The following RAB3C variants were observed in gnomAD, a reference collection of about 807,000 sequenced individuals.
RAB3C encodes ras-related protein Rab-3C.
Under a neutral mutation model 26.4 loss-of-function variants are expected in RAB3C, and 17 were observed. The observed-to-expected ratio is 0.64, with a 90% CI of 0.44 to 0.97. The LOEUF (loss-of-function observed/expected upper bound fraction) is 0.97, where lower values mean the gene tolerates loss of function less well. RAB3C is among the 50% of genes least tolerant of loss of function. The pLI, the probability that RAB3C is intolerant of heterozygous loss-of-function variation, is 0.00. For missense variants in RAB3C, 242 were observed against 281.9 expected (o/e 0.86, Z 1.01); for synonymous variants, 91 against 95.9 (o/e 0.95, Z 0.30).
intron 1 of RAB3C, among the ~76,000 whole-genome samples, chr5:58,607,920 C>A (rs1056175650): frequency 1.3e-5 from 2 of 152,152 alleles, no homozygotes; most frequent in Non-Finnish European, 2.9e-5. Context: ...CTTACAAGAG[C>A]TCCTGAAGGA....
chr5:58,686,995 C>A (rs766950452), intron 2 of RAB3C, among the ~76,000 whole-genome samples: 1 of 152,044 alleles, frequency 6.6e-6, no homozygotes, highest in Admixed American at 6.6e-5. Context: ...CATTTTAAAA[C>A]CTCAAAGTCA....
chr5:58,666,431 T>TG (rs1323146038), intron 2 of RAB3C, among the ~76,000 whole-genome samples: 3 of 152,282 alleles, frequency 2.0e-5, no homozygotes, highest in Non-Finnish European at 4.4e-5. Context: ...TGAAAACCAC[T>TG]GCGGGGGACA....
At chr5:58,659,800 T>C (rs1201324364) in intron 2 of RAB3C, among the ~76,000 whole-genome samples, 1 of 152,216 alleles carries the variant, frequency 6.6e-6, no homozygotes, top group East Asian at 1.9e-4. Flanking sequence ...GATCCCTTTT[T>C]TTCTTAAGCT....
chr5:58,712,111 G>A (rs773286938), intron 2 of RAB3C, among the ~76,000 whole-genome samples: 4 of 152,058 alleles, frequency 2.6e-5, no homozygotes, highest in African/African-American at 7.2e-5. Context: ...AACCGTCCCC[G>A]TTCCTGGAGC....
rs754911343 is a variant in RAB3C at position 58,838,116 on chromosome 5, C to T, written c.496+12954C>T. ...ACTTTTTGGCCAGGTGCGGTGGGCT[C>T]ACGCCTGTAATCCCAGTACTTTGGG... On this transcript the variant is annotated intron_variant, in intron 4 of 4. Transcript: ENST00000282878. Among the ~76,000 whole-genome samples, 177 of 152,230 alleles carry T rather than the reference C, an allele frequency of 1.2e-3. 1 individual carries two copies. The highest frequency in any genetic ancestry group is 5.8e-4 in the East Asian group (3 of 5,176).
At chr5:58,830,663 G>A (rs1743592644) in intron 4 of RAB3C, among the ~76,000 whole-genome samples, 2 of 152,144 alleles carry the variant, frequency 1.3e-5, no homozygotes, top group African/African-American at 4.8e-5. Context: ...TGCCAACCCA[G>A]GTAAGGGAGA....
intron 2 of RAB3C, among the ~76,000 whole-genome samples, chr5:58,630,633 C>G (rs1383973950): frequency 1.3e-5 from 2 of 152,098 alleles, no homozygotes; most frequent in Non-Finnish European, 2.9e-5. Flanking sequence ...ATCATGTAAC[C>G]TCTGGAAATT....
At chr5:58,723,625 A>C (rs961493925) in intron 2 of RAB3C, among the ~76,000 whole-genome samples, 1 of 151,760 alleles carries the variant, frequency 6.6e-6, no homozygotes, top group Admixed American at 6.6e-5. Flanking sequence ...GTACACACCT[A>C]TGGGTGAAGA....
At chr5:58,688,724 T>C (rs1423196285) in intron 2 of RAB3C, among the ~76,000 whole-genome samples, 1 of 152,112 alleles carries the variant, frequency 6.6e-6, no homozygotes, top group Non-Finnish European at 1.5e-5. Flanking sequence ...TTTGAATCTG[T>C]GAATAGGAGT....
At chr5:58,764,610 A>T (rs143200751) in intron 3 of RAB3C, among the ~76,000 whole-genome samples, 289 of 152,334 alleles carry the variant, frequency 1.9e-3, no homozygotes, top group African/African-American at 6.7e-3. Flanking sequence ...ATCTTCAGTT[A>T]AAAGGCAGAA....
At chr5:58,764,128 G>A (rs982962155) in intron 3 of RAB3C, among the ~76,000 whole-genome samples, 13 of 152,138 alleles carry the variant, frequency 8.5e-5, no homozygotes, top group African/African-American at 2.7e-4. Flanking sequence ...CTCAACACAC[G>A]AATCTGTGCT....
At chr5:58,647,250 A>G (rs1276771741) in intron 2 of RAB3C, among the ~76,000 whole-genome samples, 2 of 152,212 alleles carry the variant, frequency 1.3e-5, no homozygotes, top group Non-Finnish European at 2.9e-5. Context: ...TTAAGGAAAA[A>G]GGTTTAATTG....
chr5:58,744,065 T>G (rs1235378639), intron 3 of RAB3C, among the ~76,000 whole-genome samples: 1 of 152,126 alleles, frequency 6.6e-6, no homozygotes, highest in Non-Finnish European at 1.5e-5. Flanking sequence ...TGGCATAGAG[T>G]CTGTGTATGG....
chr5:58,651,274 C>T (rs917768037), intron 2 of RAB3C, among the ~76,000 whole-genome samples: 1 of 152,124 alleles, frequency 6.6e-6, no homozygotes, highest in Non-Finnish European at 1.5e-5. Flanking sequence ...ATGACTGACA[C>T]TGAGTGTATT....
chr5:58,764,933 C>T (rs1741867623), intron 3 of RAB3C, among the ~76,000 whole-genome samples: 1 of 152,128 alleles, frequency 6.6e-6, no homozygotes, highest in Non-Finnish European at 1.5e-5. Flanking sequence ...AAGGAGAATA[C>T]TGGCCTTAAG....
chr5:58,737,439 AT>A (rs1561305243), intron 3 of RAB3C, among the ~76,000 whole-genome samples: 6,102 of 63,782 alleles, frequency 0.096, 784 homozygotes, highest in Non-Finnish European at 0.1. Flanking sequence ...ATATATATAT[AT>A]ATATATATAA....
Position 58,675,417 on chromosome 5 carries a change from A to G in RAB3C, c.253-50585A>G, listed in dbSNP as rs576715461. ...CAAAGATCCATTTTAAACTTTCTGT[A>G]TATTGTAATTTAAGTTTTCTGTTTC... is the stretch of plus-strand genomic sequence containing the variant. On this transcript the variant is annotated intron_variant, in intron 2 of 4. Transcript: ENST00000282878. Among the ~76,000 whole-genome samples, 7 of 152,112 alleles carry G rather than the reference A, an allele frequency of 4.6e-5. No individual in the cohort carries two copies. In the South Asian group the frequency reaches 1.0e-3, roughly 23 times the overall value.
At chr5:58,814,270 C>T (rs1257613090) in intron 3 of RAB3C, among the ~76,000 whole-genome samples, 1 of 152,132 alleles carries the variant, frequency 6.6e-6, no homozygotes, top group African/African-American at 2.4e-5. Flanking sequence ...CTCAAAGTCC[C>T]ACTCCTTCTC....
intron 2 of RAB3C, among the ~76,000 whole-genome samples, chr5:58,654,704 C>A (rs1231276595): frequency 6.6e-6 from 1 of 152,106 alleles, no homozygotes; most frequent in East Asian, 1.9e-4. Flanking sequence ...CCCTCTCTCT[C>A]TCTCCAATGT....
Sources: allele counts gnomAD v4.1 joint callset (sites outside exome capture counted in the v4.1 genomes callset), GRCh38; gene constraint gnomAD v4.1.1; transcripts MANE v1.5; gene names NCBI Gene and HGNC (gene_info 2026-07-23, HGNC 2026-07-21).